CSMD2: variants seen among roughly 807,000 people sequenced by gnomAD.
The protein encoded by CSMD2 is CUB and sushi domain-containing protein 2.
A neutral mutation model predicts 398.5 loss-of-function variants in CSMD2; 130 were observed. The ratio of observed to expected loss-of-function variants is 0.33; its 90% CI spans 0.28 to 0.38. The LOEUF is 0.38. Ranked by LOEUF, CSMD2 falls within the 10% of genes least tolerant of loss-of-function variation. The probability of loss-of-function intolerance (pLI) is 1.00; values close to 1 mark genes in which losing one functional copy is unlikely to be tolerated. For missense variants in CSMD2, 3,829 were observed against 4,764.9 expected (o/e 0.80, Z 5.78); for synonymous variants, 1,828 against 1,908.5 (o/e 0.96, Z 1.10).
intron 25 of CSMD2, among the ~76,000 whole-genome samples, chr1:33,684,096 C>T (rs1644989543): frequency 6.6e-6 from 1 of 152,112 alleles, no homozygotes; most frequent in African/African-American, 2.4e-5. Flanking sequence ...GAGTTGCTGC[C>T]CTGTGACTGA....
At chr1:33,952,771 C>G (rs1645048381) in intron 3 of CSMD2, among the ~76,000 whole-genome samples, 1 of 152,002 alleles carries the variant, frequency 6.6e-6, no homozygotes, top group Non-Finnish European at 1.5e-5. Flanking sequence ...CTTTTGTATC[C>G]CAGCATATAG....
At chr1:33,682,867 CTAATT>C (rs1644951607) in intron 25 of CSMD2, among the ~76,000 whole-genome samples, 1 of 152,116 alleles carries the variant, frequency 6.6e-6, no homozygotes, top group Non-Finnish European at 1.5e-5. Context: ...CACGTTGTAT[CTAATT>C]TATTTTTTCC....
chr1:33,571,789 G>A (rs766509391), intron 50 of CSMD2, 63 bp from the exon 51 acceptor site: 59 of 1,268,136 alleles, frequency 4.7e-5, no homozygotes, highest in Non-Finnish European at 6.0e-5. Context: ...GACCTTGTAA[G>A]AGCCCAGATC....
intron 28 of CSMD2, among the ~76,000 whole-genome samples, chr1:33,651,080 C>T (rs1177631404): frequency 1.3e-5 from 2 of 152,108 alleles, no homozygotes; most frequent in African/African-American, 4.8e-5. Context: ...GTGGTTATTT[C>T]AGCATTTTTG....
rs749635413 is a variant in CSMD2, at chr1:33,611,083, C to T, written c.6301G>A (p.Asp2101Asn). ...SHETTVYFHS[D>N]HSQNRPGFKL... ...AATCCTGGCCGATTCTGGGAGTGGT[C>T]GCTGTGGAAATACACGGTGGTCTCG... Residue 2101 changes from aspartate to asparagine, a missense_variant, in exon 41 of 71, where the codon GAC (aspartate) becomes AAC (asparagine). Transcript: ENST00000373381. The T allele has an allele frequency of 8.7e-6, 14 of 1,613,726 alleles. No individual in the cohort carries two copies. The highest frequency in any genetic ancestry group is 1.6e-4 in the Middle Eastern group (1 of 6,084).
At chr1:34,035,597 T>C (rs1186706114) in intron 2 of CSMD2, among the ~76,000 whole-genome samples, 1 of 151,658 alleles carries the variant, frequency 6.6e-6, no homozygotes, top group Non-Finnish European at 1.5e-5. Context: ...AGGTTAAAGG[T>C]AGAAAAATCA....
In CSMD2 at chr1:33,519,659, A is replaced by G; in HGVS notation, c.10755T>C (p.Pro3585=). Residue 3585 remains proline (P), a synonymous_variant, in exon 70 of 71, where the codon CCT becomes CCC. Transcript: ENST00000373381. The surrounding 1 kb of genome is among the most constrained non-coding windows in gnomAD (Gnocchi z 5.6). ...LYKHRRRPKV[P]FNGYAGHENT... ...TCTCGTGGCCAGCATAGCCATTGAA[A>G]GGAACTTTGGGTCTTCTCCTGGCGA... The G allele has an allele frequency of 3.1e-6, 5 of 1,614,044 alleles. No homozygotes were observed. Among genetic ancestry groups the G allele is most frequent in the Non-Finnish European group, 3.4e-6 (4 of 1,180,000 alleles).
At chr1:34,078,728 T>C (rs1291500562) in intron 2 of CSMD2, among the ~76,000 whole-genome samples, 2 of 152,234 alleles carry the variant, frequency 1.3e-5, no homozygotes, top group Admixed American at 6.5e-5. Context: ...GGAGGTGACC[T>C]ACCTGCTCTA....
chr1:34,032,665 G>A lies in CSMD2; in HGVS notation c.446C>T (p.Ala149Val). 1 of 1,601,844 alleles carries A rather than the reference G, an allele frequency of 6.2e-7. No individual in the cohort carries two copies. Among genetic ancestry groups the A allele is most frequent in the African/African-American group, 1.3e-5 (1 of 74,922 alleles). Reference sequence around the variant, plus strand: ...GATGAGGCGCAGAGAGAGGGTGGTGGCTGCACTAACAATGGTGGCTGGCAG... The same window carrying A: ...GATGAGGCGCAGAGAGAGGGTGGTGACTGCACTAACAATGGTGGCTGGCAG... ...FQLPATIVSA[A>V]TTLSLRLISD... The change falls in exon 3 of 71, where the codon GCC becomes GTC. Residue 149 changes from alanine (A) to valine (V), a missense_variant. Ala to Val is a moderately conservative substitution (Grantham distance 64). This residue lies in a region of CSMD2 where 184 missense variants were observed against 217.7 expected (regional missense o/e 0.85). Coordinates refer to ENST00000373381, the MANE Select transcript of CSMD2 (RefSeq NM_001281956.2).
At position 33,722,675 on chromosome 1, in the gene CSMD2, A is replaced by T. The variant is rs192881895; in HGVS notation, c.3001+1522T>A. 3.0e-5 allele frequency among the ~76,000 whole-genome samples: 4 copies of T among 133,574 alleles called. No individual in the cohort carries two copies. In the East Asian group the frequency reaches 7.6e-4, roughly 25 times the overall value. The allele number at this position is 133,574 out of a possible 152,430, so 87.6% of individuals were successfully genotyped here. A position where few individuals can be genotyped will look rare whatever the true frequency, so the allele number is the denominator to read the frequency against. On this transcript the variant is annotated intron_variant, in intron 19 of 70. Coordinates refer to ENST00000373381, the MANE Select transcript of CSMD2 (RefSeq NM_001281956.2). Reference sequence around the variant, plus strand: ...TGGTTGCTAATCCTTAGTCGATCACATGTTGCGATTTTTTTTTTTCTATTT... The same window carrying T: ...TGGTTGCTAATCCTTAGTCGATCACTTGTTGCGATTTTTTTTTTTCTATTT...
At chr1:33,550,083 C>T (rs1480047898) in intron 56 of CSMD2, 94 bp downstream of exon 56, 5 of 1,283,816 alleles carry the variant, frequency 3.9e-6, no homozygotes, top group Non-Finnish European at 5.5e-6. Context: ...GATTCCCTCC[C>T]ATCCATCAAT....
At chr1:33,588,119 A>T (rs1639206475) in intron 44 of CSMD2, among the ~76,000 whole-genome samples, 1 of 152,316 alleles carries the variant, frequency 6.6e-6, no homozygotes, top group Admixed American at 6.5e-5. Context: ...ATTCTCTGCA[A>T]ATATAAATAT....
At chr1:33,705,751 T>G (rs1645753814) in intron 22 of CSMD2, among the ~76,000 whole-genome samples, 1 of 152,016 alleles carries the variant, frequency 6.6e-6, no homozygotes, top group Non-Finnish European at 1.5e-5. Flanking sequence ...TCCTTCTCTT[T>G]TTTGAAAAAG....
At chr1:33,836,136 C>G (rs1020587753) in intron 6 of CSMD2, among the ~76,000 whole-genome samples, 2 of 152,176 alleles carry the variant, frequency 1.3e-5, no homozygotes, top group Non-Finnish European at 2.9e-5. Flanking sequence ...CACTCCAGAC[C>G]CTGTTTGCCT....
chr1:33,721,358 G>A (rs1646353506), intron 19 of CSMD2, among the ~76,000 whole-genome samples: 1 of 152,176 alleles, frequency 6.6e-6, no homozygotes, highest in African/African-American at 2.4e-5. Context: ...AGCAATTTGG[G>A]TAGTGCAAGT....
chr1:34,079,250 G>A (rs1656774571), intron 2 of CSMD2, among the ~76,000 whole-genome samples: 2 of 152,042 alleles, frequency 1.3e-5, no homozygotes, highest in African/African-American at 2.4e-5. Context: ...TTATACTGGA[G>A]GTTCTAGACA....
At chr1:33,933,994 CAATT>C (rs1282296817) in intron 4 of CSMD2, among the ~76,000 whole-genome samples, 1 of 151,938 alleles carries the variant, frequency 6.6e-6, no homozygotes, top group Non-Finnish European at 1.5e-5. Flanking sequence ...GTGCAATGAA[CAATT>C]AATTATGTCT....
Position 33,569,391 on chromosome 1 carries a change from G to T in CSMD2, c.8114C>A (p.Ser2705Tyr). Residue 2705 changes from serine to tyrosine, a missense_variant, in exon 52 of 71, where the codon TCT becomes TAT. By Grantham distance (144) the Ser-to-Tyr change is moderately radical. This residue lies in a region of CSMD2 where 723 missense variants were observed against 758.6 expected (regional missense o/e 0.95). Transcript: ENST00000373381. The part of the protein sequence containing the change: ...ECMANGLWSG[S>Y]EVRCLATQTK... Reference sequence around the variant, plus strand: ...TCACTTACCAAGGCAGCGGACTTCAGAGCCACTCCAGAGCCCATTGGCCAT... The same window carrying T: ...TCACTTACCAAGGCAGCGGACTTCATAGCCACTCCAGAGCCCATTGGCCAT... 6.2e-7 allele frequency: 1 copy of T among 1,613,992 alleles called. No homozygotes were observed. The highest frequency in any genetic ancestry group is 8.5e-7 in the Non-Finnish European group (1 of 1,179,926).
chr1:33,805,090 G>A (rs1253032255), intron 10 of CSMD2, among the ~76,000 whole-genome samples: 1 of 152,236 alleles, frequency 6.6e-6, no homozygotes, highest in African/African-American at 2.4e-5. Context: ...CCATATGGAG[G>A]TCACTGGTCT....
Sources: allele counts gnomAD v4.1 joint callset (sites outside exome capture counted in the v4.1 genomes callset), GRCh38; gene constraint gnomAD v4.1.1; regional missense constraint gnomAD v4.1.1; non-coding constraint Gnocchi (gnomAD v3.1); transcripts MANE v1.5; gene names NCBI Gene and HGNC (gene_info 2026-07-23, HGNC 2026-07-21).